The following DAB1 variants were observed in gnomAD, a reference collection of about 807,000 sequenced individuals.
DAB1 encodes the protein disabled homolog 1.
DAB1 carries 15 observed loss-of-function variants against 64.6 expected under a neutral mutation model. The ratio of observed to expected loss-of-function variants is 0.23; its 90% confidence interval spans 0.16 to 0.36. The LOEUF (loss-of-function observed/expected upper bound fraction) is 0.36, where lower values mean the gene tolerates loss of function less well. Among genes scored for constraint, DAB1 ranks in the 10% least tolerant of loss-of-function variants. The pLI, the probability that DAB1 is intolerant of heterozygous loss-of-function variation, is 1.00. For missense variants in DAB1, 596 were observed against 706.7 expected, an observed-to-expected ratio of 0.84 and a Z score of 1.78; for synonymous variants, 235 against 251.9, an observed-to-expected ratio of 0.93 and a Z score of 0.64.
intron 6 of DAB1, among the ~76,000 whole-genome samples, chr1:57,693,156 A>G (rs983961405): frequency 1.3e-5 from 2 of 152,106 alleles, no homozygotes; most frequent in African/African-American, 4.8e-5. Context: ...TCACTGGCCT[A>G]AAGAGTTCCC....
intron 7 of DAB1, among the ~76,000 whole-genome samples, chr1:57,554,873 TC>T (rs1644968439): frequency 6.6e-6 from 1 of 152,184 alleles, no homozygotes; most frequent in South Asian, 2.1e-4. Context: ...ATGTAGAAAG[TC>T]ACTGATGAGG....
At chr1:57,336,080 T>C (rs1677054785) in intron 1 of DAB1, among the ~76,000 whole-genome samples, 1 of 152,244 alleles carries the variant, frequency 6.6e-6, no homozygotes, top group South Asian at 2.1e-4. Context: ...GTTGTGCATT[T>C]ACATTCAGAG....
At chr1:58,520,436 A>C (rs1014523346) in intron 2 of DAB1, among the ~76,000 whole-genome samples, 19 of 152,226 alleles carry the variant, frequency 1.2e-4, no homozygotes, top group African/African-American at 3.6e-4. Flanking sequence ...TCACAAAGGA[A>C]TATAAATGAA....
rs571300460 is a variant in DAB1 at position 58,431,452 on chromosome 1, G to T, written n.257+74608C>A. Among the ~76,000 whole-genome samples the T allele has an allele frequency of 8.4e-4, 128 of 151,798 alleles. No individual in the cohort carries two copies. The South Asian group carries it at 0.026, about 31-fold the overall frequency. ...GGGCGCCTGTAGTCCCAGCTACTTG[G>T]GAGGCTGAGGCAGGAGAATCGCTTG... On this transcript the variant is annotated intron_variant and non_coding_transcript_variant, in intron 3 of 20. Coordinates refer to the DAB1 transcript ENST00000485760.
chr1:58,200,501 T>A (rs1981196), intron 4 of DAB1, among the ~76,000 whole-genome samples: 120,846 of 152,104 alleles, frequency 0.79, 48,723 homozygotes, highest in South Asian at 0.88. Context: ...AAGAATCTTC[T>A]TTACCTTATG....
At chr1:58,071,398 GTGTGT>G (rs1649250839) in intron 5 of DAB1, among the ~76,000 whole-genome samples, 3 of 150,732 alleles carry the variant, frequency 2.0e-5, no homozygotes, top group Non-Finnish European at 2.9e-5. Flanking sequence ...GTGTGTGTGT[GTGTGT>G]GTGGGTGGGG....
chr1:58,172,441 A>G (rs12070267), intron 4 of DAB1, among the ~76,000 whole-genome samples: 3,802 of 152,326 alleles, frequency 0.025, 146 homozygotes, highest in African/African-American at 0.086. Context: ...ATGGCATACT[A>G]GGTGTCAAAG....
chr1:57,438,369 G>A, intron 7 of DAB1, among the ~76,000 whole-genome samples: 1 of 152,092 alleles, frequency 6.6e-6, no homozygotes, highest in East Asian at 1.9e-4. Flanking sequence ...GGTGGGTAAG[G>A]CTTGGACTCA....
Position 57,581,648 on chromosome 1 carries a change from C to A in DAB1, n.625+67944G>T, listed in dbSNP as rs560091829. 4.7e-5 allele frequency among the ~76,000 whole-genome samples: 7 copies of A among 150,172 alleles called. No homozygotes were observed. The East Asian group carries it at 1.4e-3, about 29-fold the overall frequency. ...AAATACACGAAATATTTATACACAA[C>A]TATAATAATATGGTCCTATATACCA... On this transcript the variant is annotated intron_variant and non_coding_transcript_variant, in intron 7 of 20. Coordinates refer to the DAB1 transcript ENST00000485760.
In DAB1 at chr1:57,781,118, CTCTCTCTCTATATATATATA is replaced by C. The variant is rs1343429460; in HGVS notation, n.551+102861_551+102880del. Among the ~76,000 whole-genome samples, 21 of 54,548 alleles carry C rather than the reference CTCTCTCTCTATATATATATA, an allele frequency of 3.8e-4. No individual in the cohort carries two copies. In the East Asian group the frequency reaches 5.3e-3, roughly 14 times the overall value. 35.8% of individuals were successfully genotyped at this position (54,548 alleles called of 152,430 possible). Reference sequence around the variant, plus strand: ...TCTCTCTCTCTCTCTCTCTCTCTCTCTCTCTCTCTATATATATATATATATATATATATATATATATATAT... The same window carrying C: ...TCTCTCTCTCTCTCTCTCTCTCTCTCTATATATATATATATATATATATAT... On this transcript the variant is annotated intron_variant and non_coding_transcript_variant, in intron 6 of 20. Transcript: ENST00000485760.
Position 57,144,730 on chromosome 1 carries a change from C to A in DAB1, c.207+560G>T, listed in dbSNP as rs185010341. On this transcript the variant is annotated intron_variant, in intron 3 of 14. Transcript: ENST00000371236. ...AAGAAAAAAAAAATCTAATTTCTTT[C>A]TTAGATTCCTCAGAGAAAAGGCTTC... is the stretch of plus-strand genomic sequence containing the variant. Among the ~76,000 whole-genome samples the A allele has an allele frequency of 1.9e-3, 293 of 151,262 alleles. 1 individual carries two copies. Among genetic ancestry groups the A allele is most frequent in the African/African-American group, 6.8e-3 (280 of 41,296 alleles).
chr1:58,345,918 G>A (rs970558360), intron 3 of DAB1, among the ~76,000 whole-genome samples: 3 of 152,130 alleles, frequency 2.0e-5, no homozygotes, highest in Non-Finnish European at 4.4e-5. Context: ...CAATTCTATA[G>A]ATTTTTTTCT....
intron 7 of DAB1, among the ~76,000 whole-genome samples, chr1:57,566,516 G>A (rs748860717): frequency 2.0e-5 from 3 of 151,954 alleles, no homozygotes; most frequent in East Asian, 1.9e-4. Context: ...CAACAAAATC[G>A]ATAGACCGCT....
chr1:57,361,865 G>A (rs1679579786), intron 1 of DAB1, among the ~76,000 whole-genome samples: 1 of 152,110 alleles, frequency 6.6e-6, no homozygotes, highest in Non-Finnish European at 1.5e-5. Flanking sequence ...TAAATGAATA[G>A]CTCATAGTCT....
intron 1 of DAB1, among the ~76,000 whole-genome samples, chr1:57,310,364 C>T (rs1182767460): frequency 6.6e-6 from 1 of 152,038 alleles, no homozygotes; most frequent in Admixed American, 6.6e-5. Context: ...AACTCTGAGG[C>T]AGAAATAAGC....
At chr1:57,090,823 C>A (rs1451869314) in intron 4 of DAB1, among the ~76,000 whole-genome samples, 1 of 152,142 alleles carries the variant, frequency 6.6e-6, no homozygotes, top group African/African-American at 2.4e-5. Context: ...AGAAACCAGG[C>A]TGCATAGCAT....
intron 1 of DAB1, among the ~76,000 whole-genome samples, chr1:57,840,151 C>G (rs1652984653): frequency 6.6e-6 from 1 of 152,134 alleles, no homozygotes; most frequent in Admixed American, 6.5e-5. Flanking sequence ...ATTTAGTCAA[C>G]AGGATGCATT....
chr1:57,634,897 T>C (rs539020296), intron 7 of DAB1, among the ~76,000 whole-genome samples: 6 of 152,262 alleles, frequency 3.9e-5, no homozygotes, highest in East Asian at 1.9e-4. Context: ...TACTATTTTA[T>C]ATAAGGTGGT....
chr1:58,380,052 C>A (rs1335867929), intron 3 of DAB1, among the ~76,000 whole-genome samples: 1 of 152,184 alleles, frequency 6.6e-6, no homozygotes, highest in Non-Finnish European at 1.5e-5. Flanking sequence ...TTCTCTTCCT[C>A]AGCTAGCTAA....
Sources: gnomAD v4.1 joint callset for allele counts (sites outside exome capture counted in the v4.1 genomes callset) on GRCh38, gnomAD v4.1.1 for gene constraint, MANE v1.5 for transcripts, NCBI Gene and HGNC (gene_info 2026-07-23, HGNC 2026-07-21) for gene names.